Variants in TENM3 observed in about 807,000 individuals in gnomAD.
TENM3 encodes teneurin transmembrane protein 3.
A neutral mutation model predicts 255.1 loss-of-function variants in TENM3; 63 were observed. The observed-to-expected ratio is 0.25, with a 90% CI of 0.20 to 0.30. TENM3 has a LOEUF of 0.30. TENM3 is among the 10% of genes least tolerant of loss of function. The pLI is 1.00. For missense variants in TENM3, 2,929 were observed against 3,461.1 expected (o/e 0.85, Z 3.86); for synonymous variants, 1,306 against 1,322.3 (o/e 0.99, Z 0.27).
the TENM3 span, among the ~76,000 whole-genome samples, chr4:181,893,573 A>T: frequency 7.2e-6 from 1 of 138,486 alleles, no homozygotes; most frequent in African/African-American, 2.8e-5. Flanking sequence ...AAATGCAAAG[A>T]TTTTTACTTC....
At chr4:181,729,591 T>C in the TENM3 span, among the ~76,000 whole-genome samples, 1 of 152,214 alleles carries the variant, frequency 6.6e-6, no homozygotes, top group Non-Finnish European at 1.5e-5. Context: ...CTCAGTTAAA[T>C]TACAATGAAA....
intron 1 of TENM3, among the ~76,000 whole-genome samples, chr4:182,258,588 C>A (rs34935286): frequency 0.32 from 48,680 of 151,984 alleles, 7,981 homozygotes; most frequent in Middle Eastern, 0.38. Flanking sequence ...ATTCAAAGAA[C>A]AGGTATTGTT....
intron 3 of TENM3, among the ~76,000 whole-genome samples, chr4:182,564,206 A>G (rs1002734949): frequency 1.3e-5 from 2 of 152,100 alleles, no homozygotes; most frequent in Non-Finnish European, 2.9e-5. Flanking sequence ...TTTTTAGCTT[A>G]AAGTATCAGA....
At chr4:181,584,412 C>T in the TENM3 span, among the ~76,000 whole-genome samples, 2 of 152,170 alleles carry the variant, frequency 1.3e-5, no homozygotes, top group Non-Finnish European at 2.9e-5. Context: ...CACCAAGCTT[C>T]TTCTGTATTC....
At chr4:181,807,343 C>T in the TENM3 span, among the ~76,000 whole-genome samples, 1 of 152,104 alleles carries the variant, frequency 6.6e-6, no homozygotes, top group East Asian at 1.9e-4. Context: ...GACATGTTAC[C>T]AATCCTTCGA....
intron 1 of TENM3, among the ~76,000 whole-genome samples, chr4:182,213,133 A>T (rs1303694935): frequency 6.6e-6 from 1 of 152,202 alleles, no homozygotes; most frequent in Non-Finnish European, 1.5e-5. Flanking sequence ...CTTCCCAGTA[A>T]CTGGCAGTCC....
the TENM3 span, among the ~76,000 whole-genome samples, chr4:181,990,360 T>TA: frequency 6.6e-6 from 1 of 152,192 alleles, no homozygotes; most frequent in Non-Finnish European, 1.5e-5. Context: ...ATTTGATACA[T>TA]AATTCTTAGA....
At position 182,680,441 on chromosome 4, in the gene TENM3, G is replaced by GC. The variant is rs895214609; in HGVS notation, c.1639+92_1639+93insC. ...AACTACCGAGACAGGAAAGAAAGGG[G>GC]GGGGGAGACTGGCATATTGCTTGTT... On this transcript the variant is annotated intron_variant, in intron 9 of 27. Coordinates refer to ENST00000511685, the MANE Select transcript of TENM3 (RefSeq NM_001080477.4). 237 of 1,401,810 alleles carry GC rather than the reference G, an allele frequency of 1.7e-4. No homozygotes were observed. The Middle Eastern group carries it at 5.1e-3, about 30-fold the overall frequency. 86.8% of individuals were successfully genotyped at this position (1,401,810 alleles called of 1,614,324 possible).
At chr4:181,999,855 A>T in the TENM3 span, among the ~76,000 whole-genome samples, 2 of 152,168 alleles carry the variant, frequency 1.3e-5, no homozygotes, top group Non-Finnish European at 2.9e-5. Flanking sequence ...TCCAATTTTG[A>T]TATAAGTTCA....
chr4:182,671,107 CCA>C (rs1378501703), intron 6 of TENM3, among the ~76,000 whole-genome samples: 1 of 152,140 alleles, frequency 6.6e-6, no homozygotes, highest in Non-Finnish European at 1.5e-5. Context: ...CGCATCCCTC[CCA>C]CGACAAACCC....
the TENM3 span, among the ~76,000 whole-genome samples, chr4:181,996,152 C>G: frequency 1.7e-4 from 21 of 124,212 alleles, no homozygotes; most frequent in Non-Finnish European, 3.0e-4. Flanking sequence ...ACCAGGGTCG[C>G]TACGGTTAAA....
At chr4:181,958,831 C>T in the TENM3 span, among the ~76,000 whole-genome samples, 2 of 152,108 alleles carry the variant, frequency 1.3e-5, no homozygotes, top group Non-Finnish European at 2.9e-5. Context: ...CATACTACGA[C>T]ACAGTGAAAA....
At chr4:182,062,474 A>C in the TENM3 span, among the ~76,000 whole-genome samples, 1 of 152,236 alleles carries the variant, frequency 6.6e-6, no homozygotes, top group African/African-American at 2.4e-5. Flanking sequence ...TTTATTTTTC[A>C]CATGATGACT....
chr4:181,605,536 A>G, the TENM3 span, among the ~76,000 whole-genome samples: 480 of 29,652 alleles, frequency 0.016, 40 homozygotes, highest in African/African-American at 0.033. Context: ...GAAAGAAAGA[A>G]AGAAAGAAAG....
At chr4:181,757,163 T>G in the TENM3 span, among the ~76,000 whole-genome samples, 1 of 152,202 alleles carries the variant, frequency 6.6e-6, no homozygotes, top group Admixed American at 6.5e-5. Context: ...AAAAAATTAC[T>G]TTACACCCAT....
the TENM3 span, among the ~76,000 whole-genome samples, chr4:181,593,944 C>T: frequency 4.0e-5 from 6 of 151,142 alleles, no homozygotes; most frequent in Non-Finnish European, 7.4e-5. Context: ...GCAATCCTGA[C>T]ACAACGGTCA....
chr4:181,943,847 C>T, the TENM3 span, among the ~76,000 whole-genome samples: 1 of 152,088 alleles, frequency 6.6e-6, no homozygotes, highest in Non-Finnish European at 1.5e-5. Context: ...TCCGCAGGGC[C>T]CACAGCCTGT....
chr4:181,992,529 G>A, the TENM3 span, among the ~76,000 whole-genome samples: 9 of 152,160 alleles, frequency 5.9e-5, no homozygotes, highest in East Asian at 1.7e-3. Context: ...TGTTTCATTG[G>A]AAGTCTCCTC....
chr4:182,675,496 C>A (rs1293731243), intron 7 of TENM3, among the ~76,000 whole-genome samples: 1 of 150,868 alleles, frequency 6.6e-6, no homozygotes, highest in South Asian at 2.1e-4. Flanking sequence ...AGTGAGAGAT[C>A]GTGACATTGC....
Sources: gnomAD v4.1 joint callset for allele counts (sites outside exome capture counted in the v4.1 genomes callset) on GRCh38, gnomAD v4.1.1 for gene constraint, MANE v1.5 for transcripts, NCBI Gene and HGNC (gene_info 2026-07-23, HGNC 2026-07-21) for gene names.